Variants in ABLIM2 observed in about 807,000 individuals in gnomAD.
The protein encoded by ABLIM2 is actin-binding LIM protein 2.
A neutral mutation model predicts 97.7 loss-of-function variants in ABLIM2; 53 were observed. The observed-to-expected ratio is 0.54, with a 90% CI of 0.44 to 0.68. The LOEUF is 0.68. ABLIM2 is among the 30% of genes least tolerant of loss of function. The probability of loss-of-function intolerance (pLI) is 0.00; values close to 1 mark genes in which losing one functional copy is unlikely to be tolerated. For synonymous variants in ABLIM2, 361 were observed against 345.8 expected (o/e 1.04, Z -0.49); for missense variants, 835 against 867.2 (o/e 0.96, Z 0.47).
Position 8,009,755 on chromosome 4 carries a change from C to T in ABLIM2, c.1424-653G>A, listed in dbSNP as rs546900442. Among the ~76,000 whole-genome samples the T allele has an allele frequency of 2.0e-5, 3 of 152,316 alleles. No individual in the cohort carries two copies. In the South Asian group the frequency reaches 6.2e-4, roughly 32 times the overall value. On this transcript the variant is annotated intron_variant, in intron 14 of 20. Transcript: ENST00000447017. Reference sequence around the variant, plus strand: ...CTCCCACGTAACACAAGGTCTCAGTCGTGGAGGCCTACGTGTCTGACTTGG... The same window carrying T: ...CTCCCACGTAACACAAGGTCTCAGTTGTGGAGGCCTACGTGTCTGACTTGG...
chr4:7,997,317 A>G (rs932123985), intron 16 of ABLIM2, among the ~76,000 whole-genome samples: 1 of 152,048 alleles, frequency 6.6e-6, no homozygotes, highest in Non-Finnish European at 1.5e-5. Context: ...TGATCCGCCC[A>G]CCTCGGCCTC....
At chr4:7,997,579 G>C (rs923502815) in intron 16 of ABLIM2, among the ~76,000 whole-genome samples, 1 of 151,964 alleles carries the variant, frequency 6.6e-6, no homozygotes, top group African/African-American at 2.4e-5. Flanking sequence ...TATTTTTTCA[G>C]TTCTATAATT....
chr4:8,063,141 C>T (rs1804523775), intron 6 of ABLIM2, among the ~76,000 whole-genome samples: 1 of 152,226 alleles, frequency 6.6e-6, no homozygotes, highest in African/African-American at 2.4e-5. Flanking sequence ...TCTCAGCTCA[C>T]TGCAACCTCT....
chr4:8,097,009 G>T lies in ABLIM2; in HGVS notation c.338+90C>A. 5 of 1,434,754 alleles carry T rather than the reference G, an allele frequency of 3.5e-6. No homozygotes were observed. In the South Asian group the frequency reaches 7.1e-5, roughly 20 times the overall value. The allele number at this position is 1,434,754 out of a possible 1,614,324, so 88.9% of individuals were successfully genotyped here. On this transcript the variant is annotated intron_variant, in intron 3 of 20. Coordinates refer to ENST00000447017, the MANE Select transcript of ABLIM2 (RefSeq NM_001130083.2). ...AGGATGCAGAGGGCGGGTCACGGGA[G>T]GGAGCAGGAGGAAGAAGGGAAGGGA...
rs1469439892 is a variant in ABLIM2, at chr4:8,124,113, G to A, written c.11-17476C>T. On this transcript the variant is annotated intron_variant, in intron 1 of 20. Transcript: ENST00000447017. The surrounding 1 kb of genome is among the most constrained non-coding windows in gnomAD (Gnocchi z 6.1). The stretch of plus-strand genomic sequence containing the variant: ...ACACTCTCACACACCTGGGACATAT[G>A]ATATGACATCACAACCTAGAATAAT... Among the ~76,000 whole-genome samples, 1 of 152,134 alleles carries A rather than the reference G, an allele frequency of 6.6e-6. No individual in the cohort carries two copies. The highest frequency in any genetic ancestry group is 1.9e-4 in the East Asian group (1 of 5,194).
intron 1 of ABLIM2, among the ~76,000 whole-genome samples, chr4:8,154,493 G>A (rs1353253445): frequency 1.3e-5 from 2 of 150,732 alleles, no homozygotes; most frequent in Non-Finnish European, 2.9e-5. Context: ...TGTTGGCCAG[G>A]ATGGTCTCAA....
Position 8,145,891 on chromosome 4 carries a change from C to T in ABLIM2, c.10+12789G>A, listed in dbSNP as rs556054562. On this transcript the variant is annotated intron_variant, in intron 1 of 20. Coordinates refer to ENST00000447017, the MANE Select transcript of ABLIM2 (RefSeq NM_001130083.2). Reference sequence around the variant, plus strand: ...AGTATCTCAGAGCAAGAGGACCTGGCCAGCCGCCGGGGAGGCTGACAGCTG... The same window carrying T: ...AGTATCTCAGAGCAAGAGGACCTGGTCAGCCGCCGGGGAGGCTGACAGCTG... Among the ~76,000 whole-genome samples, 24 of 152,148 alleles carry T rather than the reference C, an allele frequency of 1.6e-4. 1 individual carries two copies. Among genetic ancestry groups the T allele is most frequent in the African/African-American group, 5.8e-4 (24 of 41,526 alleles).
In ABLIM2 at chr4:8,123,246, A is replaced by G. The variant is rs1334830219; in HGVS notation, c.11-16609T>C. On this transcript the variant is annotated intron_variant, in intron 1 of 20. Coordinates refer to ENST00000447017, the MANE Select transcript of ABLIM2 (RefSeq NM_001130083.2). This position sits in a 1 kb window ranked among gnomAD's most constrained non-coding sequence, Gnocchi z 6.2. ...CTGCCTGGCCCTCCCCTGTGCAGGC[A>G]TGGTGTGGGCACAACAGCACCAGCC... 1.3e-5 allele frequency among the ~76,000 whole-genome samples: 2 copies of G among 152,042 alleles called. No homozygotes were observed. The highest frequency in any genetic ancestry group is 2.9e-5 in the Non-Finnish European group (2 of 68,002).
chr4:8,134,473 G>A (rs1012580049), intron 1 of ABLIM2, among the ~76,000 whole-genome samples: 5 of 152,158 alleles, frequency 3.3e-5, no homozygotes, highest in African/African-American at 4.8e-5. Context: ...AGCCCCCGTC[G>A]GCAAGAAGAA....
rs1199461817 is a variant in ABLIM2 at position 7,970,683 on chromosome 4, T to TG, written c.1825-3581dup. 1.8e-4 allele frequency among the ~76,000 whole-genome samples: 27 copies of TG among 147,970 alleles called. 1 individual carries two copies. The highest frequency in any genetic ancestry group is 1.5e-3 in the Admixed American group (23 of 14,920). ...GCAGAGGTGCCCTTGGGGATGACTG[T>TG]GGGGGGGCGGTGGAGGGAGCATCTG... On this transcript the variant is annotated intron_variant, in intron 20 of 20. Transcript: ENST00000447017. This position sits in a 1 kb window ranked among gnomAD's most constrained non-coding sequence, Gnocchi z 5.3.
chr4:8,080,034 C>T (rs796745073), intron 5 of ABLIM2, among the ~76,000 whole-genome samples: 23 of 152,286 alleles, frequency 1.5e-4, no homozygotes, highest in South Asian at 4.1e-4. Context: ...GGGTTAAAAC[C>T]GACCCCCAGC....
intron 3 of ABLIM2, among the ~76,000 whole-genome samples, chr4:8,090,481 T>C (rs140598923): frequency 2.0e-5 from 3 of 152,320 alleles, no homozygotes; most frequent in Non-Finnish European, 4.4e-5. Context: ...GCAGCTATGA[T>C]TGTATTTCCT....
At chr4:7,983,611 C>T (rs1740799540) in intron 18 of ABLIM2, 57 bp from the exon 19 acceptor site, 11 of 1,600,804 alleles carry the variant, frequency 6.9e-6, no homozygotes, top group Non-Finnish European at 9.4e-6. Flanking sequence ...AAGATGTCGT[C>T]CAAGGTGAGT....
At position 8,130,119 on chromosome 4, in the gene ABLIM2, C is replaced by T. The variant is rs1387591801; in HGVS notation, c.11-23482G>A. ...AAGCATCTAGTTTATTCAAAGGCAG[C>T]CCCCAAGAAAGGCCCTGGTGGTCTC... is the stretch of plus-strand genomic sequence containing the variant. On this transcript the variant is annotated intron_variant, in intron 1 of 20. Transcript: ENST00000447017. This position sits in a 1 kb window ranked among gnomAD's most constrained non-coding sequence, Gnocchi z 4.2. Among the ~76,000 whole-genome samples, 1 of 152,216 alleles carries T rather than the reference C, an allele frequency of 6.6e-6. No individual in the cohort carries two copies. Among genetic ancestry groups the T allele is most frequent in the Non-Finnish European group, 1.5e-5 (1 of 68,034 alleles).
rs1433805516 is a variant in ABLIM2, at chr4:7,992,127, C to A, written c.1680+739G>T. Reference sequence around the variant, plus strand: ...TCTGGGACCAGCAAGCCTGCCCCACCCTAAGGATCCTCACTGGGGACCCCT... The same window carrying A: ...TCTGGGACCAGCAAGCCTGCCCCACACTAAGGATCCTCACTGGGGACCCCT... On this transcript the variant is annotated intron_variant, in intron 17 of 20. Transcript: ENST00000447017. The surrounding 1 kb of genome is among the most constrained non-coding windows in gnomAD (Gnocchi z 5.7). 6.6e-6 allele frequency among the ~76,000 whole-genome samples: 1 copy of A among 151,970 alleles called. No individual in the cohort carries two copies. Among genetic ancestry groups the A allele is most frequent in the East Asian group, 1.9e-4 (1 of 5,170 alleles).
intron 2 of ABLIM2, among the ~76,000 whole-genome samples, chr4:8,099,500 G>A: frequency 6.6e-6 from 1 of 152,170 alleles, no homozygotes; most frequent in East Asian, 1.9e-4. Context: ...GGAGGTTGCT[G>A]GTCAGATTCT....
Position 8,087,034 on chromosome 4 carries a change from G to T in ABLIM2, c.454+1135C>A, listed in dbSNP as rs1214261458. Among the ~76,000 whole-genome samples the T allele has an allele frequency of 6.6e-6, 1 of 152,216 alleles. No individual in the cohort carries two copies. The highest frequency in any genetic ancestry group is 1.5e-5 in the Non-Finnish European group (1 of 68,034). ...GTGCTGCACCTCGGGGAGGCTGGAA[G>T]TGGAATCGCCTCTGTAGAGACTCTC... On this transcript the variant is annotated intron_variant, in intron 4 of 20. Coordinates refer to ENST00000447017, the MANE Select transcript of ABLIM2 (RefSeq NM_001130083.2). This position sits in a 1 kb window ranked among gnomAD's most constrained non-coding sequence, Gnocchi z 4.6.
At chr4:8,139,246 G>C (rs921403590) in intron 1 of ABLIM2, among the ~76,000 whole-genome samples, 1 of 149,958 alleles carries the variant, frequency 6.7e-6, no homozygotes, top group Non-Finnish European at 1.5e-5. Context: ...GGGAGGGGAG[G>C]GGAGGGGAAT....
In ABLIM2 at chr4:7,984,846, G is replaced by A. The variant is rs771990905; in HGVS notation, c.1728C>T (p.Gly576=). Residue 576 remains glycine, a synonymous_variant, in exon 18 of 21, where the codon GGC becomes GGT. Coordinates refer to ENST00000447017, the MANE Select transcript of ABLIM2 (RefSeq NM_001130083.2). ...GGTCCCCGCTCTGTGTACCTCGCAT[G>A]CCCCAGCTGGCATCCGGGTCTGCTC... ...PCGADPDASW[G]MREYKIYPYD... The A allele has an allele frequency of 3.6e-5, 57 of 1,603,618 alleles. No homozygotes were observed. The highest frequency in any genetic ancestry group is 4.7e-5 in the Non-Finnish European group (55 of 1,175,706).
Sources: allele counts gnomAD v4.1 joint callset (sites outside exome capture counted in the v4.1 genomes callset), GRCh38; gene constraint gnomAD v4.1.1; non-coding constraint Gnocchi (gnomAD v3.1); transcripts MANE v1.5; gene names NCBI Gene and HGNC (gene_info 2026-07-23, HGNC 2026-07-21).